The following ZNF407 variants were observed in gnomAD, a reference collection of about 807,000 sequenced individuals.
ZNF407 encodes the protein zinc finger protein 407.
A neutral mutation model predicts 131.2 loss-of-function variants in ZNF407; 17 were observed. That is an observed-to-expected ratio of 0.13 (90% CI 0.09 to 0.19). ZNF407 has a LOEUF of 0.19. Ranked by LOEUF, ZNF407 falls within the 10% of genes least tolerant of loss-of-function variation. The pLI is 1.00. For synonymous variants in ZNF407, 1,156 were observed against 1,062.0 expected, an observed-to-expected ratio of 1.09 and a Z score of -1.72; for missense variants, 2,681 against 2,830.6, an observed-to-expected ratio of 0.95 and a Z score of 1.20.
intron 7 of ZNF407, among the ~76,000 whole-genome samples, chr18:74,895,011 T>C (rs1971434479): frequency 6.6e-6 from 1 of 152,142 alleles, no homozygotes; most frequent in African/African-American, 2.4e-5. Flanking sequence ...TTACTTGACA[T>C]CATAACCCTG....
chr18:74,949,321 C>T (rs1296163365), intron 8 of ZNF407, among the ~76,000 whole-genome samples: 1 of 152,206 alleles, frequency 6.6e-6, no homozygotes, highest in Non-Finnish European at 1.5e-5. Flanking sequence ...AGGGGAATCA[C>T]TTAACCTCAC....
intron 4 of ZNF407, among the ~76,000 whole-genome samples, chr18:74,833,709 GT>G (rs1189154860): frequency 7.2e-5 from 11 of 152,288 alleles, no homozygotes; most frequent in African/African-American, 2.6e-4. Flanking sequence ...GGAAACAGAG[GT>G]TTAAGATCTT....
chr18:74,971,785 C>A (rs1431460464), intron 8 of ZNF407, among the ~76,000 whole-genome samples: 1 of 152,180 alleles, frequency 6.6e-6, no homozygotes, highest in Non-Finnish European at 1.5e-5. Flanking sequence ...TTTTCAGTAT[C>A]TTTTCAGCAA....
intron 8 of ZNF407, among the ~76,000 whole-genome samples, chr18:74,970,996 G>A (rs1246371708): frequency 6.6e-6 from 1 of 152,206 alleles, no homozygotes; most frequent in African/African-American, 2.4e-5. Context: ...CTGTGCACTC[G>A]CAGGCTCAAC....
At position 74,915,495 on chromosome 18, in the gene ZNF407, TG is replaced by T. The variant is rs1191456365; in HGVS notation, c.5250-5018del. On this transcript the variant is annotated intron_variant, in intron 7 of 8. Transcript: ENST00000299687. Reference sequence around the variant, plus strand: ...AATCGGGAGTGTGTGTGTGTGTGTGTGTTCATGCATGTGTGTGCTGGTATGG... The same window carrying T: ...AATCGGGAGTGTGTGTGTGTGTGTGTTTCATGCATGTGTGTGCTGGTATGG... 3.5e-5 allele frequency among the ~76,000 whole-genome samples: 5 copies of T among 143,380 alleles called. No individual in the cohort carries two copies. In the South Asian group the frequency reaches 7.0e-4, roughly 20 times the overall value. 94.1% of individuals were successfully genotyped at this position (143,380 alleles called of 152,430 possible). A position where few individuals can be genotyped will look rare whatever the true frequency, so the allele number is the denominator to read the frequency against.
chr18:74,648,034 TG>T (rs1985054821), intron 3 of ZNF407, among the ~76,000 whole-genome samples: 2 of 152,138 alleles, frequency 1.3e-5, no homozygotes, highest in Admixed American at 1.3e-4. Flanking sequence ...TGTGACTAAC[TG>T]GGGGAAGTGA....
chr18:74,706,940 C>CCTTTTTTTTT (rs1967637808), intron 3 of ZNF407, among the ~76,000 whole-genome samples: 10 of 132,352 alleles, frequency 7.6e-5, no homozygotes, highest in Non-Finnish European at 1.6e-4. Context: ...AAGACAGCAG[C>CCTTTTTTTTT]TTTTTTTTTT....
intron 3 of ZNF407, among the ~76,000 whole-genome samples, chr18:74,724,446 T>TTTACA (rs1336067099): frequency 6.6e-6 from 1 of 152,200 alleles, no homozygotes. Context: ...AGCTGCTTTG[T>TTTACA]ACCCATTGGC....
intron 4 of ZNF407, among the ~76,000 whole-genome samples, chr18:74,853,049 T>C (rs1372096302): frequency 1.3e-5 from 2 of 152,186 alleles, no homozygotes; most frequent in Non-Finnish European, 2.9e-5. Flanking sequence ...TAAGTGTGGA[T>C]CATGTTGGCT....
At chr18:74,872,751 T>C (rs1319021849) in intron 4 of ZNF407, among the ~76,000 whole-genome samples, 7 of 123,772 alleles carry the variant, frequency 5.7e-5, no homozygotes, top group Admixed American at 4.4e-4. Flanking sequence ...CGAGACTCAG[T>C]CTCAAAAAAA....
chr18:74,755,885 CTTTTT>C (rs34750560), intron 3 of ZNF407, among the ~76,000 whole-genome samples: 4 of 25,834 alleles, frequency 1.5e-4, no homozygotes, highest in African/African-American at 6.0e-4. Context: ...CTTTTCCTTC[CTTTTT>C]TTTTTTTTTT....
At position 74,635,125 on chromosome 18, in the gene ZNF407, G is replaced by A. The variant is rs34141917; in HGVS notation, c.4106G>A (p.Gly1369Asp). 723 of 1,613,970 alleles carry A rather than the reference G, an allele frequency of 4.5e-4. 2 individuals carry two copies. The African/African-American group carries it at 8.6e-3, about 19-fold the overall frequency. The change falls in exon 2 of 9, where the codon GGT (glycine) becomes GAT (aspartate). Residue 1369 changes from glycine (G) to aspartate (D), a missense_variant. Gly to Asp is a moderately conservative substitution (Grantham distance 94). Around this residue, in one of 6 missense-constraint regions of ZNF407, gnomAD observed 1,789 missense variants for 1,748.7 expected, o/e 1.02. Transcript: ENST00000299687. This position sits in a 1 kb window ranked among gnomAD's most constrained non-coding sequence, Gnocchi z 4.7. ...SIIRIKNPED[G>D]ELIDQSEEGL... Reference sequence around the variant, plus strand: ...ATAAGAATAAAGAACCCTGAAGATGGTGAGTTGATAGACCAGTCTGAAGAG... The same window carrying A: ...ATAAGAATAAAGAACCCTGAAGATGATGAGTTGATAGACCAGTCTGAAGAG...
rs754362037 is a variant in ZNF407, at chr18:74,757,845, T to TTATAA, written c.4803-23579_4803-23578insATATA. 2.8e-4 allele frequency among the ~76,000 whole-genome samples: 43 copies of TTATAA among 152,302 alleles called. No individual in the cohort carries two copies. The South Asian group carries it at 3.7e-3, about 13-fold the overall frequency. ...TAGTACGTTTGTGTTTGTTCATTCT[T>TTATAA]TATAGAGTACCAACTTTTTGTTATA... On this transcript the variant is annotated intron_variant, in intron 3 of 8. Transcript: ENST00000299687.
chr18:74,609,913 T>C (rs1026167475), intron 1 of ZNF407, among the ~76,000 whole-genome samples: 1 of 152,224 alleles, frequency 6.6e-6, no homozygotes, highest in African/African-American at 2.4e-5. Context: ...GCTGGGTAGG[T>C]ATGTTTTATT....
At chr18:75,012,180 C>A (rs918764351) in intron 8 of ZNF407, among the ~76,000 whole-genome samples, 4 of 152,076 alleles carry the variant, frequency 2.6e-5, no homozygotes, top group Non-Finnish European at 5.9e-5. Context: ...TGTCCTTGGG[C>A]ACCTGTGCTG....
At position 74,746,252 on chromosome 18, in the gene ZNF407, CG is replaced by C. The variant is rs1024639290; in HGVS notation, c.4803-35173del. Among the ~76,000 whole-genome samples the C allele has an allele frequency of 1.8e-4, 27 of 152,138 alleles. 1 individual carries two copies. Among genetic ancestry groups the C allele is most frequent in the Non-Finnish European group, 3.5e-4 (24 of 67,984 alleles). Reference sequence around the variant, plus strand: ...GAATTGTGAATGGAGCTTGCAGGACCGGGAGTGGCTCTGGATGAGTGAGTGG... The same window carrying C: ...GAATTGTGAATGGAGCTTGCAGGACCGGAGTGGCTCTGGATGAGTGAGTGG... On this transcript the variant is annotated intron_variant, in intron 3 of 8. Coordinates refer to ENST00000299687, the MANE Select transcript of ZNF407 (RefSeq NM_017757.3).
chr18:74,784,834 A>T (rs1314483541), intron 4 of ZNF407, among the ~76,000 whole-genome samples: 2 of 152,270 alleles, frequency 1.3e-5, no homozygotes, highest in African/African-American at 4.8e-5. Context: ...CACAATTGGA[A>T]CAGCCATACT....
intron 4 of ZNF407, among the ~76,000 whole-genome samples, chr18:74,862,883 C>A (rs113820896): frequency 3.5e-4 from 53 of 150,266 alleles, no homozygotes; most frequent in African/African-American, 1.1e-3. Context: ...ATATTTTTGC[C>A]TGTGTTCCCC....
chr18:74,967,616 C>G (rs181706592), intron 8 of ZNF407, among the ~76,000 whole-genome samples: 2 of 152,320 alleles, frequency 1.3e-5, no homozygotes, highest in African/African-American at 4.8e-5. Context: ...CTCCTGCCTT[C>G]AGGCAGGTCT....
Sources: allele counts gnomAD v4.1 joint callset (sites outside exome capture counted in the v4.1 genomes callset), GRCh38; gene constraint gnomAD v4.1.1; regional missense constraint gnomAD v4.1.1; non-coding constraint Gnocchi (gnomAD v3.1); transcripts MANE v1.5; gene names NCBI Gene and HGNC (gene_info 2026-07-23, HGNC 2026-07-21).